Variants in SYN3 observed in about 807,000 individuals in gnomAD.
SYN3 encodes synapsin-3.
Under a neutral mutation model 65.8 loss-of-function variants are expected in SYN3, and 35 were observed. That is an observed-to-expected ratio of 0.53 (90% CI 0.41 to 0.70). SYN3 has a LOEUF of 0.70. SYN3 is among the 30% of genes least tolerant of loss of function. The probability of loss-of-function intolerance (pLI) is 0.00; values close to 1 mark genes in which losing one functional copy is unlikely to be tolerated. For synonymous variants in SYN3, 270 were observed against 292.9 expected (o/e 0.92, Z 0.80); for missense variants, 680 against 749.0 (o/e 0.91, Z 1.08).
At chr22:33,040,232 G>A (rs1158584123) in intron 1 of SYN3, among the ~76,000 whole-genome samples, 4 of 151,764 alleles carry the variant, frequency 2.6e-5, no homozygotes, top group African/African-American at 9.7e-5. Context: ...TCCTGACCCC[G>A]TGATCTCCCG....
intron 6 of SYN3, among the ~76,000 whole-genome samples, chr22:32,785,776 C>CT (rs927851472): frequency 2.0e-5 from 3 of 152,182 alleles, no homozygotes; most frequent in African/African-American, 7.2e-5. Flanking sequence ...GTTTATCCAT[C>CT]TGTTTCTGTG....
intron 6 of SYN3, among the ~76,000 whole-genome samples, chr22:32,608,540 C>T (rs1227408819): frequency 6.6e-6 from 1 of 152,182 alleles, no homozygotes; most frequent in Non-Finnish European, 1.5e-5. Flanking sequence ...GTACTGTTGT[C>T]TTGGTATTGC....
chr22:32,854,773 C>T (rs1457171567), intron 6 of SYN3, among the ~76,000 whole-genome samples: 2 of 152,184 alleles, frequency 1.3e-5, no homozygotes, highest in South Asian at 4.1e-4. Context: ...GGCTGCGTTA[C>T]CGTGCTCAGT....
intron 6 of SYN3, among the ~76,000 whole-genome samples, chr22:32,685,783 A>T (rs997433481): frequency 3.9e-5 from 6 of 152,370 alleles, no homozygotes; most frequent in Non-Finnish European, 7.3e-5. Context: ...TGACCTCATC[A>T]TCCCATTTCT....
chr22:32,625,220 G>A (rs1416841304), intron 6 of SYN3, among the ~76,000 whole-genome samples: 1 of 152,190 alleles, frequency 6.6e-6, no homozygotes, highest in African/African-American at 2.4e-5. Context: ...ATTTCACTGG[G>A]ACCACCCAGT....
chr22:32,872,053 A>G (rs968889885), intron 4 of SYN3, among the ~76,000 whole-genome samples: 1 of 152,066 alleles, frequency 6.6e-6, no homozygotes, highest in African/African-American at 2.4e-5. Context: ...TCGTCCTCAA[A>G]GCCACCATTC....
In SYN3 at chr22:32,641,413, T is replaced by C. The variant is rs569766828; in HGVS notation, c.712-44677A>G. 2.0e-5 allele frequency among the ~76,000 whole-genome samples: 3 copies of C among 151,482 alleles called. No individual in the cohort carries two copies. In the East Asian group the frequency reaches 5.8e-4, roughly 29 times the overall value. ...CATGAGGTCAGGAGATCGAGACCAT[T>C]CTGGCTAACACGGTGAAACCCTGTC... On this transcript the variant is annotated intron_variant, in intron 6 of 13. Coordinates refer to ENST00000358763, the MANE Select transcript of SYN3 (RefSeq NM_003490.4).
At chr22:32,653,937 G>A (rs2060107435) in intron 6 of SYN3, among the ~76,000 whole-genome samples, 1 of 152,166 alleles carries the variant, frequency 6.6e-6, no homozygotes, top group Non-Finnish European at 1.5e-5. Flanking sequence ...GTAAGAGGTA[G>A]GTGTGTTCTG....
At chr22:32,694,045 TTC>T (rs1229681532) in intron 6 of SYN3, among the ~76,000 whole-genome samples, 1 of 152,064 alleles carries the variant, frequency 6.6e-6, no homozygotes, top group African/African-American at 2.4e-5. Context: ...TTTTTGAAGT[TTC>T]TGTTTTTTCC....
At chr22:33,035,923 T>C (rs1407093053) in intron 1 of SYN3, among the ~76,000 whole-genome samples, 1 of 152,126 alleles carries the variant, frequency 6.6e-6, no homozygotes, top group Admixed American at 6.6e-5. Flanking sequence ...GCTAATAACG[T>C]TGACTATAAG....
intron 7 of SYN3, among the ~76,000 whole-genome samples, chr22:32,583,625 C>T (rs2058980799): frequency 6.6e-6 from 1 of 152,198 alleles, no homozygotes; most frequent in African/African-American, 2.4e-5. Flanking sequence ...CTGCTTATCT[C>T]ATCTGTAAAA....
At chr22:32,614,144 T>C (rs1290612082) in intron 6 of SYN3, among the ~76,000 whole-genome samples, 1 of 152,182 alleles carries the variant, frequency 6.6e-6, no homozygotes, top group Admixed American at 6.5e-5. Flanking sequence ...CTGTTGGTAT[T>C]ATTGTTGTTA....
At chr22:32,939,563 A>G (rs987949624) in intron 3 of SYN3, among the ~76,000 whole-genome samples, 1 of 152,174 alleles carries the variant, frequency 6.6e-6, no homozygotes, top group Admixed American at 6.6e-5. Context: ...AATGTCTTCT[A>G]TCTCATAGAT....
rs186379467 is a variant in SYN3, at chr22:32,929,339, G to A, written c.461+2051C>T. 1.9e-3 allele frequency among the ~76,000 whole-genome samples: 279 copies of A among 150,324 alleles called. 1 individual carries two copies. The highest frequency in any genetic ancestry group is 0.014 in the Middle Eastern group (4 of 292). On this transcript the variant is annotated intron_variant, in intron 4 of 13. Coordinates refer to ENST00000358763, the MANE Select transcript of SYN3 (RefSeq NM_003490.4). ...AACTTTTTTTAGTGTCCTTTTCTCC[G>A]CAGATATCTCCATACCTGATTTTTT...
In SYN3 at chr22:32,702,260, G is replaced by A. The variant is rs529621583; in HGVS notation, c.712-105524C>T. 4.6e-5 allele frequency among the ~76,000 whole-genome samples: 7 copies of A among 152,254 alleles called. No homozygotes were observed. In the South Asian group the frequency reaches 1.0e-3, roughly 23 times the overall value. On this transcript the variant is annotated intron_variant, in intron 6 of 13. Transcript: ENST00000358763. ...TGGGAGGCTGAGGCGGGTGGATCACGAGGTCAGGAGATCGAGACCATCCTG... is the reference window on the plus strand; with the variant it reads ...TGGGAGGCTGAGGCGGGTGGATCACAAGGTCAGGAGATCGAGACCATCCTG...
At chr22:32,751,360 A>C (rs560721131) in intron 6 of SYN3, among the ~76,000 whole-genome samples, 28 of 152,350 alleles carry the variant, frequency 1.8e-4, no homozygotes, top group African/African-American at 6.3e-4. Flanking sequence ...AAGTTAACTC[A>C]GAATTCCAGG....
chr22:32,845,879 C>T (rs551091386), intron 6 of SYN3, among the ~76,000 whole-genome samples: 8 of 152,312 alleles, frequency 5.3e-5, no homozygotes, highest in African/African-American at 9.6e-5. Flanking sequence ...GCGAATGCCT[C>T]GGGAGAACCC....
At chr22:32,778,484 G>A (rs2145813838) in intron 6 of SYN3, among the ~76,000 whole-genome samples, 1 of 152,204 alleles carries the variant, frequency 6.6e-6, no homozygotes. Flanking sequence ...AGTAGAGATG[G>A]AGTTTCACCA....
intron 6 of SYN3, among the ~76,000 whole-genome samples, chr22:32,602,296 C>T (rs1244095652): frequency 6.6e-6 from 1 of 152,204 alleles, no homozygotes; most frequent in East Asian, 1.9e-4. Context: ...CCATCCCTCA[C>T]CACGTGCAAT....
Sources: allele counts gnomAD v4.1 joint callset (sites outside exome capture counted in the v4.1 genomes callset), GRCh38; gene constraint gnomAD v4.1.1; transcripts MANE v1.5; gene names NCBI Gene and HGNC (gene_info 2026-07-23, HGNC 2026-07-21).